The following IKZF1 variants were observed in gnomAD, a reference collection of about 807,000 sequenced individuals.
IKZF1 encodes the protein IKAROS family zinc finger 1.
Under a neutral mutation model 51.7 loss-of-function variants are expected in IKZF1, and 10 were observed. That is an observed-to-expected ratio of 0.19 (90% confidence interval 0.12 to 0.33). The LOEUF (loss-of-function observed/expected upper bound fraction) is 0.33, where lower values mean the gene tolerates loss of function less well. Ranked by LOEUF, IKZF1 falls within the 10% of genes least tolerant of loss-of-function variation. IKZF1 has a pLI of 1.00. For synonymous variants in IKZF1, 280 were observed against 282.3 expected, an observed-to-expected ratio of 0.99 and a Z score of 0.08; for missense variants, 484 against 707.5, an observed-to-expected ratio of 0.68 and a Z score of 3.58.
chr7:50,373,407 G>A (rs1040558323), intron 3 of IKZF1, among the ~76,000 whole-genome samples: 1 of 152,124 alleles, frequency 6.6e-6, no homozygotes, highest in South Asian at 2.1e-4. Context: ...TGTGCCCATG[G>A]GAAAGCAAGA....
In IKZF1 at chr7:50,388,527, C is replaced by T. The variant is rs1240647489; in HGVS notation, c.715+1057C>T. On this transcript the variant is annotated intron_variant, in intron 6 of 7. Transcript: ENST00000331340. ...CCAGAGTGCTGTCTCCTCTGCCAGT[C>T]AGCCAGGGATCTGGGGCTTACAGGC... 3 of 152,264 alleles carry T rather than the reference C, an allele frequency of 2.0e-5. No individual in the cohort carries two copies. In the East Asian group the frequency reaches 5.8e-4, roughly 29 times the overall value. 9.4% of individuals were successfully genotyped at this position (152,264 alleles called of 1,614,324 possible).
intron 2 of IKZF1, among the ~76,000 whole-genome samples, chr7:50,322,514 T>C (rs1291209052): frequency 6.6e-6 from 1 of 152,244 alleles, no homozygotes; most frequent in Admixed American, 6.5e-5. Context: ...AAGTGTTTAC[T>C]GACTTGAATC....
chr7:50,312,794 T>C (rs2153345749), intron 1 of IKZF1, among the ~76,000 whole-genome samples: 1 of 152,340 alleles, frequency 6.6e-6, no homozygotes, highest in South Asian at 2.1e-4. Context: ...CTCAAAAAGT[T>C]TCACAGTGGA....
chr7:50,325,260 C>A (rs1358144397), intron 2 of IKZF1, among the ~76,000 whole-genome samples: 2 of 146,054 alleles, frequency 1.4e-5, no homozygotes, highest in East Asian at 2.0e-4. Context: ...CACCCACCCC[C>A]CAACCCCCCG....
At chr7:50,325,609 T>TA (rs1053689864) in intron 2 of IKZF1, among the ~76,000 whole-genome samples, 49 of 152,056 alleles carry the variant, frequency 3.2e-4, no homozygotes, top group Middle Eastern at 3.4e-3. Context: ...CTGTCTCTAC[T>TA]AAAAAAATAC....
At chr7:50,363,079 G>C (rs1436964054) in intron 3 of IKZF1, among the ~76,000 whole-genome samples, 1 of 152,208 alleles carries the variant, frequency 6.6e-6, no homozygotes, top group Non-Finnish European at 1.5e-5. Context: ...CTGTGGGTTG[G>C]AATGTATGGA....
At chr7:50,318,685 A>G (rs938669628) in intron 1 of IKZF1, 9 of 237,864 alleles carry the variant, frequency 3.8e-5, no homozygotes, top group Admixed American at 1.1e-4. Context: ...GAACATAACT[A>G]TGGATCAGCC....
intron 3 of IKZF1, among the ~76,000 whole-genome samples, chr7:50,361,790 C>G (rs1185156706): frequency 6.6e-6 from 1 of 152,104 alleles, no homozygotes; most frequent in African/African-American, 2.4e-5. Flanking sequence ...GCAGGAGAAT[C>G]ACTTGAACCC....
At chr7:50,398,453 G>T (rs896314700) in intron 7 of IKZF1, among the ~76,000 whole-genome samples, 1 of 152,040 alleles carries the variant, frequency 6.6e-6, no homozygotes, top group Non-Finnish European at 1.5e-5. Context: ...TTTCCTTCTT[G>T]TTGTCCCCAA....
rs1405569996 is a variant in IKZF1, at chr7:50,401,589, C to T, written c.*962C>T. 4.5e-6 allele frequency: 1 copy of T among 221,532 alleles called. No individual in the cohort carries two copies. The highest frequency in any genetic ancestry group is 2.2e-5 in the African/African-American group (1 of 44,716). 13.7% of individuals were successfully genotyped at this position (221,532 alleles called of 1,614,324 possible). ...GCTTTATTTCAAATCTCTTCCTTCC[C>T]TGGCTGGTTCCATCTAGTACCAGAG... is the stretch of plus-strand genomic sequence containing the variant. On this transcript the variant is annotated 3_prime_UTR_variant, in exon 8 of 8. Coordinates refer to ENST00000331340, the MANE Select transcript of IKZF1 (RefSeq NM_006060.6).
At chr7:50,387,232 A>G in intron 5 of IKZF1, 113 bp from the exon 6 acceptor site, 1 of 1,385,520 alleles carries the variant, frequency 7.2e-7, no homozygotes, top group Non-Finnish European at 9.5e-7. Context: ...TTTAGCTCTC[A>G]AGGGTAGAAT....
At chr7:50,351,811 G>A (rs1801917552) in intron 3 of IKZF1, among the ~76,000 whole-genome samples, 1 of 152,102 alleles carries the variant, frequency 6.6e-6, no homozygotes. Context: ...TATTTCTTGT[G>A]TATTTTAACA....
At chr7:50,375,218 C>T (rs191507281) in intron 3 of IKZF1, among the ~76,000 whole-genome samples, 9 of 152,142 alleles carry the variant, frequency 5.9e-5, no homozygotes, top group Admixed American at 3.9e-4. Flanking sequence ...CTCAGGAGTT[C>T]GAGAGCAGCC....
intron 4 of IKZF1, among the ~76,000 whole-genome samples, chr7:50,381,102 T>G (rs1811726985): frequency 6.6e-6 from 1 of 151,376 alleles, no homozygotes; most frequent in Non-Finnish European, 1.5e-5. Context: ...TAGTAATGCA[T>G]CTAACCCGCC....
At chr7:50,361,129 A>G (rs1158086020) in intron 3 of IKZF1, among the ~76,000 whole-genome samples, 1 of 152,074 alleles carries the variant, frequency 6.6e-6, no homozygotes, top group Non-Finnish European at 1.5e-5. Flanking sequence ...TTGTTCCTCC[A>G]GCCCTCTTAG....
In IKZF1 at chr7:50,315,942, A is replaced by G. The variant is rs1791441094; in HGVS notation, c.-14-3106A>G. 2.0e-5 allele frequency among the ~76,000 whole-genome samples: 3 copies of G among 152,212 alleles called. No homozygotes were observed. In the South Asian group the frequency reaches 6.2e-4, roughly 32 times the overall value. On this transcript the variant is annotated intron_variant, in intron 1 of 7. Transcript: ENST00000331340. ...ATGCACGTGCTAACAAAGGAGTGTG[A>G]CAGGACTTAAGTGCCCTTCTAGACA...
intron 1 of IKZF1, among the ~76,000 whole-genome samples, chr7:50,317,522 AGT>A (rs1562719256): frequency 6.6e-6 from 1 of 152,124 alleles, no homozygotes; most frequent in Non-Finnish European, 1.5e-5. Context: ...CATCTGGGCT[AGT>A]GTGTCTGGCT....
chr7:50,309,093 C>T (rs1011516340), intron 1 of IKZF1, among the ~76,000 whole-genome samples: 11 of 152,232 alleles, frequency 7.2e-5, no homozygotes, highest in Non-Finnish European at 1.2e-4. Flanking sequence ...GCTCTGCTTT[C>T]GGATGGCCCC....
chr7:50,306,572 A>G (rs1288951317), intron 1 of IKZF1, among the ~76,000 whole-genome samples: 2 of 152,256 alleles, frequency 1.3e-5, no homozygotes, highest in African/African-American at 4.8e-5. Flanking sequence ...AGGGCTGCAG[A>G]TAAAAGTCTG....
Sources: gnomAD v4.1 joint callset for allele counts (sites outside exome capture counted in the v4.1 genomes callset) on GRCh38, gnomAD v4.1.1 for gene constraint, MANE v1.5 for transcripts, NCBI Gene and HGNC (gene_info 2026-07-23, HGNC 2026-07-21) for gene names.